MARCHF10: variants seen among roughly 807,000 people sequenced by gnomAD.
The protein encoded by MARCHF10 is probable E3 ubiquitin-protein ligase MARCHF10.
In MARCHF10, 64 loss-of-function variants were observed where a neutral mutation model predicts 76.2. The ratio of observed to expected loss-of-function variants is 0.84; its 90% confidence interval spans 0.69 to 1.03. The LOEUF (loss-of-function observed/expected upper bound fraction) is 1.03, where lower values mean the gene tolerates loss of function less well. Among genes scored for constraint, MARCHF10 ranks in the 50% least tolerant of loss-of-function variants. MARCHF10 has a pLI of 0.00. For missense variants in MARCHF10, 875 were observed against 958.0 expected (o/e 0.91, Z 1.14); for synonymous variants, 340 against 357.5 (o/e 0.95, Z 0.55).
intron 10 of MARCHF10, 57 bp from the exon 11 acceptor site, chr17:62,701,815 A>G (rs1028069488): frequency 1.1e-5 from 18 of 1,608,030 alleles, no homozygotes; most frequent in Non-Finnish European, 1.5e-5. Context: ...TGGGTCTGTT[A>G]CAGGGGGCAC....
At chr17:62,741,987 C>T (rs764753382) in intron 5 of MARCHF10, among the ~76,000 whole-genome samples, 16 of 151,532 alleles carry the variant, frequency 1.1e-4, no homozygotes, top group Non-Finnish European at 1.3e-4. Context: ...CATGAGCCAC[C>T]GCGCCCAGCC....
chr17:62,744,897 C>T (rs962744320), intron 4 of MARCHF10, among the ~76,000 whole-genome samples: 7 of 148,918 alleles, frequency 4.7e-5, no homozygotes, highest in African/African-American at 7.4e-5. Context: ...CCTGTAGTCC[C>T]GGAGGCTGAG....
intron 9 of MARCHF10, among the ~76,000 whole-genome samples, chr17:62,708,243 C>CTT (rs60147578): frequency 9.1e-4 from 131 of 144,572 alleles, no homozygotes; most frequent in Middle Eastern, 3.7e-3. Context: ...AAAGTAGGTT[C>CTT]TTTTTTTTTT....
intron 3 of MARCHF10, among the ~76,000 whole-genome samples, chr17:62,785,708 T>G (rs1021437245): frequency 5.9e-5 from 9 of 152,034 alleles, no homozygotes; most frequent in Non-Finnish European, 2.9e-5. Context: ...CATCAAAAAG[T>G]GGGCAAAGGA....
intron 3 of MARCHF10, among the ~76,000 whole-genome samples, chr17:62,774,428 G>A (rs1191960140): frequency 6.6e-6 from 1 of 152,134 alleles, no homozygotes; most frequent in East Asian, 1.9e-4. Context: ...ATGACAAGGG[G>A]GAGAGGATGG....
At chr17:62,804,624 G>A (rs748722677) in intron 1 of MARCHF10, among the ~76,000 whole-genome samples, 4 of 152,086 alleles carry the variant, frequency 2.6e-5, no homozygotes, top group Non-Finnish European at 5.9e-5. Flanking sequence ...CAAAGGCGTG[G>A]AGATCATGCT....
rs1056995372 is a variant in MARCHF10 at position 62,737,008 on chromosome 17, T to A, written c.860A>T (p.Glu287Val). ...YSILSLNSRR[E>V]SDDTEEETQS... ...GGTTTCCTCTTCAGTGTCATCGCTTTCTCTTCTGCTGTTCAATGACAAAAT... is the reference window on the plus strand; with the variant it reads ...GGTTTCCTCTTCAGTGTCATCGCTTACTCTTCTGCTGTTCAATGACAAAAT... The change falls in exon 6 of 11, where the codon GAA becomes GTA. Residue 287 changes from glutamate (E) to valine (V), a missense_variant. Glu to Val is a moderately radical substitution (Grantham distance 121, BLOSUM62 -2). Transcript: ENST00000311269. 6.2e-7 allele frequency: 1 copy of A among 1,614,174 alleles called. No homozygotes were observed. Among genetic ancestry groups the A allele is most frequent in the Non-Finnish European group, 8.5e-7 (1 of 1,180,044 alleles).
At chr17:62,778,170 C>T (rs1026525770) in intron 3 of MARCHF10, among the ~76,000 whole-genome samples, 1 of 152,128 alleles carries the variant, frequency 6.6e-6, no homozygotes, top group African/African-American at 2.4e-5. Flanking sequence ...CCATTCAACC[C>T]CCAGGAGAAG....
rs532229448 is a variant in MARCHF10 at position 62,723,362 on chromosome 17, C to G, written c.2105-765G>C. On this transcript the variant is annotated intron_variant, in intron 7 of 10. Coordinates refer to ENST00000311269, the MANE Select transcript of MARCHF10 (RefSeq NM_152598.4). Reference sequence around the variant, plus strand: ...GTTGCGGCTTTTGACTAATGATGTACTGGTGTTTATTTTATGCATTAGAAA... The same window carrying G: ...GTTGCGGCTTTTGACTAATGATGTAGTGGTGTTTATTTTATGCATTAGAAA... Among the ~76,000 whole-genome samples the G allele has an allele frequency of 3.3e-5, 5 of 151,484 alleles. No homozygotes were observed. The South Asian group carries it at 8.4e-4, about 25-fold the overall frequency.
chr17:62,795,436 G>A (rs1435389254), intron 2 of MARCHF10, among the ~76,000 whole-genome samples: 1 of 150,462 alleles, frequency 6.6e-6, no homozygotes, highest in Non-Finnish European at 1.5e-5. Context: ...ATTCTGAGAT[G>A]GCATATAATT....
chr17:62,717,649 G>A (rs2090281470), intron 8 of MARCHF10, among the ~76,000 whole-genome samples: 1 of 152,240 alleles, frequency 6.6e-6, no homozygotes, highest in Non-Finnish European at 1.5e-5. Flanking sequence ...TGGTGTGACA[G>A]TGGTTGCTGT....
intron 6 of MARCHF10, among the ~76,000 whole-genome samples, chr17:62,729,528 A>T (rs1230108490): frequency 6.8e-6 from 1 of 148,108 alleles, no homozygotes; most frequent in Admixed American, 6.8e-5. Context: ...ATGTGTGTAT[A>T]TATATACATA....
intron 4 of MARCHF10, among the ~76,000 whole-genome samples, chr17:62,747,983 T>G (rs1461358329): frequency 1.3e-5 from 2 of 152,270 alleles, no homozygotes. Context: ...ACTTCTTCCC[T>G]GTGATACCCT....
At chr17:62,780,685 T>C (rs1345468138) in intron 3 of MARCHF10, among the ~76,000 whole-genome samples, 1 of 152,194 alleles carries the variant, frequency 6.6e-6, no homozygotes, top group Non-Finnish European at 1.5e-5. Context: ...AAACTGACAG[T>C]GATCTCTACC....
chr17:62,789,399 T>C (rs10491169), intron 2 of MARCHF10, among the ~76,000 whole-genome samples: 8,499 of 152,246 alleles, frequency 0.056, 803 homozygotes, highest in African/African-American at 0.19. Flanking sequence ...ACTGATCTAC[T>C]AAAAAGCCTG....
intron 3 of MARCHF10, among the ~76,000 whole-genome samples, chr17:62,779,301 A>G (rs2092613372): frequency 1.3e-5 from 2 of 152,220 alleles, no homozygotes; most frequent in African/African-American, 4.8e-5. Flanking sequence ...CCGACCCACA[A>G]GGAATCTGAG....
chr17:62,803,495 G>A lies in MARCHF10; in HGVS notation c.-17-1743C>T, dbSNP rs183210570. Among the ~76,000 whole-genome samples the A allele has an allele frequency of 3.6e-3, 553 of 152,084 alleles. 4 individuals are homozygous for A. The highest frequency in any genetic ancestry group is 0.013 in the African/African-American group (525 of 41,500). ...AAGGAGGAGGAGGTGGAGGACAGTG[G>A]GGAGGGAGAGGGGATCATAGCTACT... On this transcript the variant is annotated intron_variant, in intron 1 of 10. Transcript: ENST00000311269.
At chr17:62,807,223 T>TA (rs914421889) in intron 1 of MARCHF10, among the ~76,000 whole-genome samples, 18 of 152,206 alleles carry the variant, frequency 1.2e-4, no homozygotes, top group African/African-American at 3.9e-4. Flanking sequence ...TCTTAGCTTA[T>TA]AAACATGTCT....
intron 1 of MARCHF10, among the ~76,000 whole-genome samples, chr17:62,802,564 G>A (rs529992687): frequency 6.6e-6 from 1 of 152,286 alleles, no homozygotes; most frequent in East Asian, 1.9e-4. Flanking sequence ...TTGAGCAAGT[G>A]AATCCTAACT....
Sources: allele counts gnomAD v4.1 joint callset (sites outside exome capture counted in the v4.1 genomes callset), GRCh38; gene constraint gnomAD v4.1.1; transcripts MANE v1.5; gene names NCBI Gene and HGNC (gene_info 2026-07-23, HGNC 2026-07-21).